USP14: variants seen among roughly 807,000 people sequenced by gnomAD.
The protein encoded by USP14 is ubiquitin carboxyl-terminal hydrolase 14.
Under a neutral mutation model 76.5 loss-of-function variants are expected in USP14, and 38 were observed. The ratio of observed to expected loss-of-function variants is 0.50; its 90% CI spans 0.38 to 0.65. The LOEUF is 0.65. Ranked by LOEUF, USP14 falls within the 30% of genes least tolerant of loss-of-function variation. The pLI, the probability that USP14 is intolerant of heterozygous loss-of-function variation, is 0.00. For synonymous variants in USP14, 192 were observed against 191.7 expected (o/e 1.00, Z -0.01); for missense variants, 467 against 586.5 (o/e 0.80, Z 2.10).
intron 3 of USP14, among the ~76,000 whole-genome samples, chr18:178,523 C>T (rs1045486087): frequency 6.6e-6 from 1 of 152,004 alleles, no homozygotes. Flanking sequence ...TGACTTTGGG[C>T]GATTCTATAT....
At chr18:178,798 T>C in intron 3 of USP14, 135 bp from the exon 4 acceptor site, 1 of 584,334 alleles carries the variant, frequency 1.7e-6, no homozygotes, top group Non-Finnish European at 3.0e-6. Flanking sequence ...GCAACTAATC[T>C]ACTTTCTGCA....
At chr18:193,268 T>G (rs1333427091) in intron 6 of USP14, among the ~76,000 whole-genome samples, 9 of 152,166 alleles carry the variant, frequency 5.9e-5, no homozygotes, top group African/African-American at 2.2e-4. Flanking sequence ...AGAAGTGATG[T>G]GTGTGAGGAG....
At chr18:159,557 C>T (rs1439979202) in intron 1 of USP14, among the ~76,000 whole-genome samples, 3 of 152,196 alleles carry the variant, frequency 2.0e-5, no homozygotes, top group African/African-American at 7.2e-5. Flanking sequence ...TATTCTGTTA[C>T]AGTTCCTTTA....
intron 4 of USP14, 89 bp downstream of exon 4, chr18:179,126 T>G (rs920237825): frequency 1.2e-6 from 1 of 846,470 alleles, no homozygotes; most frequent in African/African-American, 1.7e-5. Context: ...TCTGAATGTC[T>G]TGAAGACTTA....
At chr18:193,397 T>G (rs1910145072) in intron 6 of USP14, among the ~76,000 whole-genome samples, 2 of 152,200 alleles carry the variant, frequency 1.3e-5, no homozygotes, top group South Asian at 4.1e-4. Flanking sequence ...CAATAGGGTT[T>G]TACAGCCATG....
chr18:181,974 T>TAA (rs1374572815), intron 5 of USP14, among the ~76,000 whole-genome samples: 1 of 152,340 alleles, frequency 6.6e-6, no homozygotes, highest in Non-Finnish European at 1.5e-5. Context: ...TGTTGAAGGC[T>TAA]ATTGTTTCCC....
chr18:204,232 G>A (rs585578), intron 12 of USP14, among the ~76,000 whole-genome samples: 101,946 of 151,568 alleles, frequency 0.67, 34,388 homozygotes, highest in South Asian at 0.78. Flanking sequence ...AGTTTGGGAG[G>A]TCCATTATTT....
intron 5 of USP14, among the ~76,000 whole-genome samples, chr18:182,392 G>A (rs1210051513): frequency 2.6e-5 from 4 of 152,090 alleles, no homozygotes; most frequent in Non-Finnish European, 2.9e-5. Flanking sequence ...TCAGTCTATT[G>A]TGAAATGTTG....
chr18:201,819 G>T (rs1910391481), intron 10 of USP14, among the ~76,000 whole-genome samples: 1 of 152,148 alleles, frequency 6.6e-6, no homozygotes, highest in East Asian at 1.9e-4. Context: ...GTAATAATAA[G>T]ATTTCACCAG....
At chr18:206,376 C>T (rs997086436) in intron 13 of USP14, among the ~76,000 whole-genome samples, 2 of 152,144 alleles carry the variant, frequency 1.3e-5, no homozygotes, top group African/African-American at 4.8e-5. Flanking sequence ...TTCCTCTTGT[C>T]TTTTCCCTAT....
At chr18:169,265 CCAAGAGAA>C (rs1909371521) in intron 3 of USP14, among the ~76,000 whole-genome samples, 1 of 148,540 alleles carries the variant, frequency 6.7e-6, no homozygotes, top group South Asian at 2.1e-4. Context: ...ATGGTGCACG[CCAAGAGAA>C]TTGCTTGACT....
chr18:214,301 C>T lies in USP14; in HGVS notation c.*3017C>T, dbSNP rs1910781493. 4 of 205,324 alleles carry T rather than the reference C, an allele frequency of 1.9e-5. No individual in the cohort carries two copies. Among genetic ancestry groups the T allele is most frequent in the African/African-American group, 4.7e-5 (2 of 42,294 alleles). The allele number at this position is 205,324 out of a possible 1,614,324, so 12.7% of individuals were successfully genotyped here. On this transcript the variant is annotated 3_prime_UTR_variant, in exon 16 of 16. Coordinates refer to ENST00000261601, the MANE Select transcript of USP14 (RefSeq NM_005151.4). ...AGGATAAATTTTGTAAAACTACTAA[C>T]AAACAACACACAGGAAACTAATTTG...
In USP14 at chr18:185,481, G is replaced by A. The variant is rs1304149078; in HGVS notation, c.404+5142G>A. ...AAAATATTTGTCTGTTAACACTAGC[G>A]TCTCATTCAGTTCAGTGAGATGCTC... is the stretch of plus-strand genomic sequence containing the variant. On this transcript the variant is annotated intron_variant, in intron 5 of 15. Coordinates refer to ENST00000261601, the MANE Select transcript of USP14 (RefSeq NM_005151.4). Among the ~76,000 whole-genome samples the A allele has an allele frequency of 5.3e-5, 8 of 152,014 alleles. No homozygotes were observed. The South Asian group carries it at 1.0e-3, about 20-fold the overall frequency.
chr18:192,376 C>A (rs985026733), intron 5 of USP14, among the ~76,000 whole-genome samples: 1 of 152,036 alleles, frequency 6.6e-6, no homozygotes, highest in African/African-American at 2.4e-5. Context: ...CCAGCCTGCC[C>A]AACATGGTGA....
At chr18:169,252 G>A (rs113995585) in intron 3 of USP14, among the ~76,000 whole-genome samples, 3,824 of 150,574 alleles carry the variant, frequency 0.025, 152 homozygotes, top group African/African-American at 0.087. Flanking sequence ...TTAGCCGAGT[G>A]TCATGGTGCA....
At chr18:166,761 A>T (rs1401613806) in intron 2 of USP14, 26 bp from the exon 3 acceptor site, 1 of 1,609,238 alleles carries the variant, frequency 6.2e-7, no homozygotes, top group Non-Finnish European at 8.5e-7. Context: ...TGGTGGTTAA[A>T]TGTCTTTTGT....
intron 1 of USP14, among the ~76,000 whole-genome samples, chr18:161,240 A>T (rs16944691): frequency 0.062 from 9,402 of 152,080 alleles, 622 homozygotes; most frequent in East Asian, 0.3. Flanking sequence ...TTTATGTATG[A>T]TTTAGGATGA....
rs1257527352 is a variant in USP14 at position 204,541 on chromosome 18, GT to G, written c.1036-17del. Reference sequence around the variant, plus strand: ...TATCTTTATAAATGTGTTTACACATGTTTTTTGTTTGTTTGTATATAGGATG... The same window carrying G: ...TATCTTTATAAATGTGTTTACACATGTTTTTGTTTGTTTGTATATAGGATG... On this transcript the variant is annotated intron_variant, in intron 12 of 15. Coordinates refer to ENST00000261601, the MANE Select transcript of USP14 (RefSeq NM_005151.4). 8 of 1,532,066 alleles carry G rather than the reference GT, an allele frequency of 5.2e-6. No individual in the cohort carries two copies. The African/African-American group carries it at 8.4e-5, about 16-fold the overall frequency. 94.9% of individuals were successfully genotyped at this position (1,532,066 alleles called of 1,614,324 possible). A position where few individuals can be genotyped will look rare whatever the true frequency, so the allele number is the denominator to read the frequency against.
At chr18:164,540 G>A (rs1176698230) in intron 2 of USP14, among the ~76,000 whole-genome samples, 6 of 151,780 alleles carry the variant, frequency 4.0e-5, no homozygotes, top group African/African-American at 2.4e-5. Context: ...TGCAACCTCC[G>A]CCTCCTGGGT....
Sources: allele counts gnomAD v4.1 joint callset (sites outside exome capture counted in the v4.1 genomes callset), GRCh38; gene constraint gnomAD v4.1.1; transcripts MANE v1.5; gene names NCBI Gene and HGNC (gene_info 2026-07-23, HGNC 2026-07-21).